Variants in FA2H observed in about 807,000 individuals in gnomAD.
FA2H encodes the protein fatty acid 2-hydroxylase, also known as fatty acid alpha-hydroxylase.
FA2H carries 22 observed loss-of-function variants against 44.9 expected under a neutral mutation model. The observed-to-expected ratio is 0.49, with a 90% CI of 0.35 to 0.70. FA2H has a LOEUF of 0.70. Among genes scored for constraint, FA2H ranks in the 30% least tolerant of loss-of-function variants. The pLI is 0.01. For synonymous variants in FA2H, 243 were observed against 213.2 expected (o/e 1.14, Z -1.22); for missense variants, 501 against 504.9 (o/e 0.99, Z 0.07).
chr16:74,770,747 G>A (rs1401188446), intron 1 of FA2H, among the ~76,000 whole-genome samples: 2 of 152,244 alleles, frequency 1.3e-5, no homozygotes, highest in Non-Finnish European at 2.9e-5. Context: ...TGGCAGCCCA[G>A]TGGAGGGCTG....
intron 1 of FA2H, among the ~76,000 whole-genome samples, chr16:74,761,459 AAAGAAAG>A (rs1306223647): frequency 9.0e-5 from 1 of 11,074 alleles, no homozygotes. Context: ...TCTCAAAAAA[AAAGAAAG>A]AAAGAAAGAA....
At chr16:74,766,830 A>G (rs1962817888) in intron 1 of FA2H, among the ~76,000 whole-genome samples, 1 of 152,228 alleles carries the variant, frequency 6.6e-6, no homozygotes, top group Non-Finnish European at 1.5e-5. Context: ...GCAGCCATCA[A>G]CAGAGTGCAT....
chr16:74,757,061 G>C (rs2144654367), intron 1 of FA2H, among the ~76,000 whole-genome samples: 1 of 151,136 alleles, frequency 6.6e-6, no homozygotes, highest in Middle Eastern at 3.4e-3. Flanking sequence ...CATTAAGCAA[G>C]GCAAAAGGCA....
chr16:74,751,387 C>T (rs1330958482), intron 1 of FA2H, among the ~76,000 whole-genome samples: 1 of 152,070 alleles, frequency 6.6e-6, no homozygotes, highest in South Asian at 2.1e-4. Context: ...TGAGCCACTG[C>T]GCCTGGCCCC....
intron 4 of FA2H, among the ~76,000 whole-genome samples, chr16:74,719,866 T>A (rs962585747): frequency 1.3e-5 from 2 of 151,776 alleles, no homozygotes; most frequent in African/African-American, 4.8e-5. Context: ...TCCAGGGTGT[T>A]AATGATGGGA....
In FA2H at chr16:74,740,033, T is replaced by C. The variant is rs929664399; in HGVS notation, c.353A>G (p.Asp118Gly). ...PAMEPRFKVVDWDKDLVDWRK... is the reference protein window; with the variant it reads ...PAMEPRFKVVGWDKDLVDWRK... Reference sequence around the variant, plus strand: ...TCCTATGCCAGGTACCTTGTCCCAATCCACCACTTTGAACCGTGGTTCCAT... The same window carrying C: ...TCCTATGCCAGGTACCTTGTCCCAACCCACCACTTTGAACCGTGGTTCCAT... The change falls in exon 2 of 7, where the codon GAT becomes GGT. Residue 118 changes from aspartate (D) to glycine (G), a missense_variant. Asp to Gly is a moderately conservative substitution (Grantham distance 94, BLOSUM62 -1). Coordinates refer to ENST00000219368, the MANE Select transcript of FA2H (RefSeq NM_024306.5). 1.2e-6 allele frequency: 2 copies of C among 1,612,690 alleles called. No individual in the cohort carries two copies. Among genetic ancestry groups the C allele is most frequent in the East Asian group, 2.2e-5 (1 of 44,862 alleles).
At chr16:74,762,047 A>G (rs1597570369) in intron 1 of FA2H, among the ~76,000 whole-genome samples, 2 of 145,612 alleles carry the variant, frequency 1.4e-5, no homozygotes, top group Middle Eastern at 7.1e-3. Context: ...TTGTGCTTCC[A>G]CACAATTTTT....
Position 74,732,485 on chromosome 16 carries a change from G to GGAGTGC in FA2H, c.364-5105_364-5100dup, listed in dbSNP as rs543438285. 4.6e-3 allele frequency among the ~76,000 whole-genome samples: 701 copies of GGAGTGC among 151,696 alleles called. 4 individuals carry two copies. Among genetic ancestry groups the GGAGTGC allele is most frequent in the African/African-American group, 0.016 (655 of 41,310 alleles). On this transcript the variant is annotated intron_variant, in intron 2 of 6. Coordinates refer to ENST00000219368, the MANE Select transcript of FA2H (RefSeq NM_024306.5). ...TGAGTCTCACTCTGTCACCCAGGCT[G>GGAGTGC]GAGTGCAGTGGTGTGATCTCGGCTC...
At chr16:74,742,520 G>A (rs1378555021) in intron 1 of FA2H, among the ~76,000 whole-genome samples, 5 of 152,214 alleles carry the variant, frequency 3.3e-5, no homozygotes, top group Non-Finnish European at 7.3e-5. Context: ...GAGATTGCCA[G>A]CGTTTTATTT....
At chr16:74,764,852 C>T in intron 1 of FA2H, among the ~76,000 whole-genome samples, 1 of 152,130 alleles carries the variant, frequency 6.6e-6, no homozygotes, top group East Asian at 1.9e-4. Flanking sequence ...ACCCAGGCAA[C>T]CTGGGACATA....
chr16:74,746,139 A>G (rs570648214), intron 1 of FA2H, among the ~76,000 whole-genome samples: 1 of 152,088 alleles, frequency 6.6e-6, no homozygotes, highest in African/African-American at 2.4e-5. Context: ...GCAGGGAATG[A>G]AGCAGACTAC....
chr16:74,763,985 G>A (rs796748554), intron 1 of FA2H, among the ~76,000 whole-genome samples: 34 of 152,276 alleles, frequency 2.2e-4, no homozygotes, highest in Middle Eastern at 3.4e-3. Context: ...GAAGTTATTT[G>A]GATAATAGTG....
At chr16:74,727,151 G>A (rs1180519722) in intron 3 of FA2H, 93 bp downstream of exon 3, 2 of 1,514,694 alleles carry the variant, frequency 1.3e-6, no homozygotes, top group East Asian at 4.5e-5. Flanking sequence ...CCTGGGCTCT[G>A]GGGAGGGACT....
intron 1 of FA2H, among the ~76,000 whole-genome samples, chr16:74,744,436 A>T (rs1447207829): frequency 2.7e-5 from 4 of 146,368 alleles, no homozygotes; most frequent in African/African-American, 5.0e-5. Context: ...TTTGGAAATT[A>T]TTCCAGATGA....
At chr16:74,747,331 T>TAAGA (rs10557267) in intron 1 of FA2H, among the ~76,000 whole-genome samples, 25 of 150,274 alleles carry the variant, frequency 1.7e-4, no homozygotes, top group Admixed American at 5.3e-4. Flanking sequence ...AATAAATAAA[T>TAAGA]AAGAAAGAAA....
chr16:74,735,843 C>T (rs1207511467), intron 2 of FA2H, among the ~76,000 whole-genome samples: 1 of 152,120 alleles, frequency 6.6e-6, no homozygotes, highest in Non-Finnish European at 1.5e-5. Flanking sequence ...ATTAGCCAGG[C>T]ATGGTGGTAT....
chr16:74,718,791 G>T (rs545900363), intron 5 of FA2H, among the ~76,000 whole-genome samples, 197 bp downstream of exon 5: 1 of 152,310 alleles, frequency 6.6e-6, no homozygotes, highest in Non-Finnish European at 1.5e-5. Context: ...GCTTGATGCT[G>T]CACACCCACG....
chr16:74,772,299 C>A (rs1321099090), intron 1 of FA2H, among the ~76,000 whole-genome samples: 1 of 152,218 alleles, frequency 6.6e-6, no homozygotes, highest in Non-Finnish European at 1.5e-5. Flanking sequence ...CTAAGCCCAG[C>A]CTATCAATCA....
At chr16:74,730,347 T>G (rs954820029) in intron 2 of FA2H, among the ~76,000 whole-genome samples, 1 of 152,118 alleles carries the variant, frequency 6.6e-6, no homozygotes, top group African/African-American at 2.4e-5. Context: ...CTTCTCAGGC[T>G]GGAAGATGAT....
Sources: allele counts gnomAD v4.1 joint callset (sites outside exome capture counted in the v4.1 genomes callset), GRCh38; gene constraint gnomAD v4.1.1; transcripts MANE v1.5; gene names NCBI Gene and HGNC (gene_info 2026-07-23, HGNC 2026-07-21).